Variants in CRBN observed in about 807,000 individuals in gnomAD.
The protein encoded by CRBN is cereblon.
CRBN carries 53 observed loss-of-function variants against 62.2 expected under a neutral mutation model. That is an observed-to-expected ratio of 0.85 (90% CI 0.68 to 1.07). The LOEUF (loss-of-function observed/expected upper bound fraction) is 1.07, where lower values mean the gene tolerates loss of function less well. Among genes scored for constraint, CRBN ranks in the 50% least tolerant of loss-of-function variants. CRBN has a pLI of 0.00. For missense variants in CRBN, 616 were observed against 531.1 expected, an observed-to-expected ratio of 1.16 and a Z score of -1.57; for synonymous variants, 208 against 176.1, an observed-to-expected ratio of 1.18 and a Z score of -1.43.
At position 3,172,905 on chromosome 3, in the gene CRBN, G is replaced by A; in HGVS notation, c.398C>T (p.Ala133Val). The A allele has an allele frequency of 1.2e-6, 2 of 1,613,778 alleles. No homozygotes were observed. The highest frequency in any genetic ancestry group is 1.1e-5 in the South Asian group (1 of 91,070). ...TATCTCTGCTGTTGTTCCAAACTGTGCTTCCCTTTCCTGTACATTGCTTCC... is the reference window on the plus strand; with the variant it reads ...TATCTCTGCTGTTGTTCCAAACTGTACTTCCCTTTCCTGTACATTGCTTCC... The part of the protein sequence containing the change: ...LAYSNVQERE[A>V]QFGTTAEIYA... The change falls in exon 4 of 11, where the codon GCA becomes GTA. Residue 133 changes from alanine to valine, a missense_variant. Ala to Val is a moderately conservative substitution (Grantham distance 64). Transcript: ENST00000231948.
At position 3,150,898 on chromosome 3, in the gene CRBN, T is replaced by TTCA; in HGVS notation, c.1293_1295dup (p.Asp431dup). 1 of 1,613,980 alleles carries TTCA rather than the reference T, an allele frequency of 6.2e-7. No individual in the cohort carries two copies. Among genetic ancestry groups the TTCA allele is most frequent in the Non-Finnish European group, 8.5e-7 (1 of 1,179,932 alleles). Reference sequence around the variant, plus strand: ...AAAGTATTACTTTGTCTGGACTTATTTCATCTTCAGTGTCTGGGATCGTGG... The same window carrying TTCA: ...AAAGTATTACTTTGTCTGGACTTATTTCATCATCTTCAGTGTCTGGGATCGTGG... On this transcript the variant is annotated inframe_insertion, in exon 11 of 11. Coordinates refer to ENST00000231948, the MANE Select transcript of CRBN (RefSeq NM_016302.4).
At position 3,154,029 on chromosome 3, in the gene CRBN, C is replaced by A; in HGVS notation, c.882G>T (p.Leu294Phe). 6.2e-7 allele frequency: 1 copy of A among 1,613,654 alleles called. No homozygotes were observed. The highest frequency in any genetic ancestry group is 1.1e-5 in the South Asian group (1 of 91,062). The change falls in exon 8 of 11, where the codon TTG becomes TTT. Residue 294 changes from leucine (L) to phenylalanine (F), a missense_variant. Transcript: ENST00000231948. ...TGCCAATTTTAAGGAGCTGAATTCT[C>A]AATACATCATCAATAGGAAGACAAG... ...VAACLPIDDVLRIQLLKIGSA... is the reference protein window; with the variant it reads ...VAACLPIDDVFRIQLLKIGSA...
At chr3:3,176,065 G>A (rs1707815215) in intron 1 of CRBN, among the ~76,000 whole-genome samples, 1 of 152,104 alleles carries the variant, frequency 6.6e-6, no homozygotes, top group Non-Finnish European at 1.5e-5. Flanking sequence ...CCCTTCGGAA[G>A]CAAATCACTA....
intron 5 of CRBN, among the ~76,000 whole-genome samples, chr3:3,166,110 C>G (rs907160209): frequency 6.6e-6 from 1 of 152,096 alleles, no homozygotes; most frequent in African/African-American, 2.4e-5. Context: ...GTGATATGAT[C>G]TGGCTGTGTC....
Position 3,172,582 on chromosome 3 carries a change from T to C in CRBN, c.527+194A>G, listed in dbSNP as rs3172448. ...GAGATGAGGTTGGAACTCAAGCTTC[T>C]ATAGTTTTAAAAGCTTCCCAGGTGA... On this transcript the variant is annotated intron_variant, in intron 4 of 10. Coordinates refer to ENST00000231948, the MANE Select transcript of CRBN (RefSeq NM_016302.4). 258 of 610,410 alleles carry C rather than the reference T, an allele frequency of 4.2e-4. 2 individuals are homozygous for C. The highest frequency in any genetic ancestry group is 1.7e-3 in the South Asian group (84 of 50,128). The allele number at this position is 610,410 out of a possible 1,614,324, so 37.8% of individuals were successfully genotyped here.
chr3:3,151,939 G>A (rs1248120371), intron 10 of CRBN, among the ~76,000 whole-genome samples: 1 of 152,096 alleles, frequency 6.6e-6, no homozygotes, highest in Admixed American at 6.6e-5. Context: ...TACAGAATAT[G>A]GTCCAGATAT....
intron 6 of CRBN, 102 bp downstream of exon 6, chr3:3,156,117 T>C (rs1371588573): frequency 9.2e-6 from 9 of 975,334 alleles, no homozygotes; most frequent in African/African-American, 3.2e-5. Flanking sequence ...TCTTAAGTTA[T>C]AAGGCACTAG....
chr3:3,169,722 A>G (rs767581478), intron 4 of CRBN, among the ~76,000 whole-genome samples: 157 of 152,294 alleles, frequency 1.0e-3, no homozygotes, highest in Middle Eastern at 3.4e-3. Context: ...TATGTGTAAC[A>G]TTTTGTGATT....
At chr3:3,170,145 A>G (rs1038202205) in intron 4 of CRBN, among the ~76,000 whole-genome samples, 2 of 151,898 alleles carry the variant, frequency 1.3e-5, no homozygotes, top group African/African-American at 4.8e-5. Context: ...ATGCCCAGCT[A>G]ATTTCTTGTA....
At chr3:3,175,608 A>G (rs1361906698) in intron 1 of CRBN, among the ~76,000 whole-genome samples, 1 of 152,196 alleles carries the variant, frequency 6.6e-6, no homozygotes, top group East Asian at 1.9e-4. Context: ...GTCTTGGTAC[A>G]TTACTCTAAC....
chr3:3,155,093 G>A, intron 6 of CRBN: 1 of 490,444 alleles, frequency 2.0e-6, no homozygotes, highest in Non-Finnish European at 3.7e-6. Context: ...AGATTGTTCT[G>A]TTCTATGCCC....
chr3:3,173,706 A>G (rs970762259), intron 3 of CRBN, among the ~76,000 whole-genome samples: 3 of 152,228 alleles, frequency 2.0e-5, no homozygotes, highest in Non-Finnish European at 4.4e-5. Flanking sequence ...ACTCTTTTGG[A>G]AAAGTAATCC....
chr3:3,167,595 C>T (rs1707400907), intron 5 of CRBN, 39 bp downstream of exon 5: 1 of 1,593,120 alleles, frequency 6.3e-7, no homozygotes, highest in Non-Finnish European at 8.6e-7. Context: ...AACAACCTGT[C>T]TTCATTTTTT....
rs1559237909 is a variant in CRBN at position 3,150,816 on chromosome 3, C to CTT, written c.*47_*48dup. The CTT allele has an allele frequency of 1.9e-6, 3 of 1,563,126 alleles. No individual in the cohort carries two copies. The Admixed American group carries it at 5.3e-5, about 28-fold the overall frequency. On this transcript the variant is annotated 3_prime_UTR_variant, in exon 11 of 11. Coordinates refer to ENST00000231948, the MANE Select transcript of CRBN (RefSeq NM_016302.4). ...AGAGGCAATAATTTCCAAAGCAGATCTTAGAATATAACCAATTTGTTAGAT... is the reference window on the plus strand; with the variant it reads ...AGAGGCAATAATTTCCAAAGCAGATCTTTTAGAATATAACCAATTTGTTAGAT...
chr3:3,154,679 A>G (rs780007722), intron 7 of CRBN, 68 bp downstream of exon 7: 19 of 830,654 alleles, frequency 2.3e-5, no homozygotes, highest in Non-Finnish European at 4.1e-5. Flanking sequence ...ATTGGATCGC[A>G]TCCATGAAAA....
chr3:3,172,981 G>A, intron 3 of CRBN, 56 bp from the exon 4 acceptor site: 1 of 1,276,972 alleles, frequency 7.8e-7, no homozygotes, highest in South Asian at 1.2e-5. Context: ...TTAAATATAT[G>A]CAAAGTAGGC....
At chr3:3,171,277 AAG>A (rs1438874329) in intron 4 of CRBN, among the ~76,000 whole-genome samples, 4 of 152,218 alleles carry the variant, frequency 2.6e-5, no homozygotes, top group Non-Finnish European at 5.9e-5. Context: ...ATTTCTATAA[AAG>A]TATTCACAAA....
intron 6 of CRBN, 77 bp downstream of exon 6, chr3:3,156,141 TA>T: frequency 8.0e-7 from 1 of 1,251,316 alleles, no homozygotes; most frequent in Non-Finnish European, 1.2e-6. Context: ...CTGGAAAAAC[TA>T]AACCTTTGTT....
chr3:3,156,329 T>C (rs2126056217), intron 5 of CRBN, 48 bp from the exon 6 acceptor site: 4 of 1,510,006 alleles, frequency 2.6e-6, no homozygotes, highest in Non-Finnish European at 3.7e-6. Context: ...AGAATAAAGA[T>C]TCTAATGCTG....
Sources: allele counts gnomAD v4.1 joint callset (sites outside exome capture counted in the v4.1 genomes callset), GRCh38; gene constraint gnomAD v4.1.1; transcripts MANE v1.5; gene names NCBI Gene and HGNC (gene_info 2026-07-23, HGNC 2026-07-21).